ARHGAP18: variants seen among roughly 807,000 people sequenced by gnomAD.
The protein encoded by ARHGAP18 is rho GTPase-activating protein 18.
Under a neutral mutation model 86.2 loss-of-function variants are expected in ARHGAP18, and 67 were observed. That is an observed-to-expected ratio of 0.78 (90% CI 0.64 to 0.95). The LOEUF is 0.95. Among genes scored for constraint, ARHGAP18 ranks in the 40% least tolerant of loss-of-function variants. The probability of loss-of-function intolerance (pLI) is 0.00; values close to 1 mark genes in which losing one functional copy is unlikely to be tolerated. For missense variants in ARHGAP18, 691 were observed against 780.4 expected, an observed-to-expected ratio of 0.89 and a Z score of 1.37; for synonymous variants, 283 against 280.4, an observed-to-expected ratio of 1.01 and a Z score of -0.09.
intron 10 of ARHGAP18, among the ~76,000 whole-genome samples, chr6:129,605,443 C>T (rs747226775): frequency 6.6e-6 from 1 of 152,060 alleles, no homozygotes; most frequent in Non-Finnish European, 1.5e-5. Context: ...TTTCAAACTA[C>T]AAACTGTCAT....
At chr6:129,689,979 A>G (rs1774495697) in intron 1 of ARHGAP18, among the ~76,000 whole-genome samples, 1 of 152,194 alleles carries the variant, frequency 6.6e-6, no homozygotes. Flanking sequence ...AGGCTGATTC[A>G]TTTTTAAGTA....
At chr6:129,677,209 C>T (rs1441358892) in intron 1 of ARHGAP18, among the ~76,000 whole-genome samples, 5 of 151,912 alleles carry the variant, frequency 3.3e-5, no homozygotes, top group African/African-American at 7.3e-5. Context: ...CTGGCTAACA[C>T]GGTGAAACCC....
At chr6:129,704,466 A>C (rs1251488125) in intron 1 of ARHGAP18, among the ~76,000 whole-genome samples, 4 of 151,880 alleles carry the variant, frequency 2.6e-5, no homozygotes, top group African/African-American at 9.7e-5. Context: ...AACAAACAAA[A>C]AAAAACTGAG....
intron 7 of ARHGAP18, among the ~76,000 whole-genome samples, chr6:129,613,985 C>T (rs1249085289): frequency 1.3e-5 from 2 of 152,118 alleles, no homozygotes; most frequent in Non-Finnish European, 2.9e-5. Context: ...TTGGCTGATT[C>T]ATTTGACAGT....
intron 13 of ARHGAP18, among the ~76,000 whole-genome samples, chr6:129,582,921 CCTCT>C (rs1031653584): frequency 3.9e-5 from 6 of 152,280 alleles, no homozygotes; most frequent in Admixed American, 3.9e-4. Context: ...TACCAATAAG[CCTCT>C]CTCTCATTTC....
At position 129,641,873 on chromosome 6, in the gene ARHGAP18, T is replaced by C; in HGVS notation, c.259A>G (p.Lys87Glu). Residue 87 changes from lysine to glutamate, a missense_variant, in exon 2 of 15, where the codon AAA becomes GAA. Lys to Glu is a moderately conservative substitution (Grantham distance 56, BLOSUM62 1). Transcript: ENST00000368149. ...TCTTCTTGGCTGTTTTCACTAGATT[T>C]CTTGATGTTTTCTAGTTCTATCCAA... Reference protein sequence around the residue: ...DYWIELENIKKSSENSQEDQE... With the variant: ...DYWIELENIKESSENSQEDQE... The C allele has an allele frequency of 6.2e-7, 1 of 1,613,998 alleles. No homozygotes were observed. The highest frequency in any genetic ancestry group is 8.5e-7 in the Non-Finnish European group (1 of 1,179,918).
intron 1 of ARHGAP18, among the ~76,000 whole-genome samples, chr6:129,665,717 C>G (rs2114522829): frequency 6.6e-6 from 1 of 152,320 alleles, no homozygotes. Context: ...GTCTCCCTAT[C>G]AGAAAAGCCT....
chr6:129,629,248 TA>T, intron 5 of ARHGAP18, 104 bp downstream of exon 5: 3 of 343,100 alleles, frequency 8.7e-6, no homozygotes, highest in Non-Finnish European at 1.3e-5. Context: ...TCTCTCTCTC[TA>T]TATATATATA....
At chr6:129,709,656 T>C (rs1034851068) in intron 1 of ARHGAP18, among the ~76,000 whole-genome samples, 3 of 152,194 alleles carry the variant, frequency 2.0e-5, no homozygotes, top group Non-Finnish European at 4.4e-5. Flanking sequence ...AGCGAACAGT[T>C]CCAGTGGCAG....
chr6:129,611,461 CAA>C, intron 8 of ARHGAP18, 70 bp downstream of exon 8: 1 of 1,324,296 alleles, frequency 7.6e-7, no homozygotes, highest in Non-Finnish European at 1.1e-6. Flanking sequence ...GTAGAGAGGA[CAA>C]GTTAGCTTTT....
intron 1 of ARHGAP18, among the ~76,000 whole-genome samples, chr6:129,645,318 T>C (rs1203448821): frequency 1.3e-5 from 2 of 152,212 alleles, no homozygotes; most frequent in African/African-American, 4.8e-5. Context: ...AGTTTCCTCT[T>C]TTCTGTTTTT....
chr6:129,695,588 A>G (rs748178170), intron 1 of ARHGAP18, among the ~76,000 whole-genome samples: 10 of 152,158 alleles, frequency 6.6e-5, no homozygotes, highest in Non-Finnish European at 1.3e-4. Context: ...CAAAATGGAG[A>G]TGACACAATT....
intron 5 of ARHGAP18, 62 bp downstream of exon 5, chr6:129,629,291 G>T: frequency 1.6e-6 from 2 of 1,286,344 alleles, no homozygotes; most frequent in Non-Finnish European, 2.2e-6. Context: ...GTATGTATAT[G>T]TGTGTGTGTA....
At chr6:129,590,958 G>C (rs1234431435) in intron 12 of ARHGAP18, among the ~76,000 whole-genome samples, 2 of 152,158 alleles carry the variant, frequency 1.3e-5, no homozygotes, top group Non-Finnish European at 2.9e-5. Flanking sequence ...GAAGAAACGA[G>C]TTTAACCAGT....
At chr6:129,645,282 C>G (rs1412242471) in intron 1 of ARHGAP18, among the ~76,000 whole-genome samples, 3 of 152,142 alleles carry the variant, frequency 2.0e-5, no homozygotes, top group Non-Finnish European at 4.4e-5. Flanking sequence ...CTTCCTAAAA[C>G]TGTTCTGCTA....
chr6:129,668,063 G>T (rs1260868136), intron 1 of ARHGAP18, among the ~76,000 whole-genome samples: 3 of 152,104 alleles, frequency 2.0e-5, no homozygotes. Flanking sequence ...AAGTAAATCT[G>T]CAACTTCAAG....
chr6:129,616,180 C>T, intron 7 of ARHGAP18, 32 bp downstream of exon 7: 2 of 1,504,670 alleles, frequency 1.3e-6, no homozygotes, highest in African/African-American at 1.4e-5. Flanking sequence ...TAAGTATGTT[C>T]TCTCTATGCT....
intron 12 of ARHGAP18, among the ~76,000 whole-genome samples, chr6:129,588,789 C>T (rs1003575959): frequency 7.2e-5 from 11 of 152,348 alleles, no homozygotes; most frequent in Middle Eastern, 3.4e-3. Flanking sequence ...TTTGCCTGGA[C>T]ATCCAGGCAT....
chr6:129,680,963 T>C (rs766557302), intron 1 of ARHGAP18, among the ~76,000 whole-genome samples: 25 of 152,312 alleles, frequency 1.6e-4, no homozygotes, highest in Non-Finnish European at 2.6e-4. Flanking sequence ...TGAGTAGAAC[T>C]GTAACACAGC....
Sources: allele counts gnomAD v4.1 joint callset (sites outside exome capture counted in the v4.1 genomes callset), GRCh38; gene constraint gnomAD v4.1.1; transcripts MANE v1.5; gene names NCBI Gene and HGNC (gene_info 2026-07-23, HGNC 2026-07-21).